PYY: variants seen among roughly 807,000 people sequenced by gnomAD.
The protein encoded by PYY is peptide tyrosine tyrosine.
Under a neutral mutation model 10.3 loss-of-function variants are expected in PYY, and 12 were observed. The observed-to-expected ratio is 1.17, with a 90% CI of 0.75 to 1.89. PYY has a LOEUF of 1.89. Ranked by LOEUF, PYY falls within the 40% of genes most tolerant of loss-of-function variation. The pLI is 0.00. For synonymous variants in PYY, 66 were observed against 62.0 expected, an observed-to-expected ratio of 1.06 and a Z score of -0.30; for missense variants, 141 against 134.0, an observed-to-expected ratio of 1.05 and a Z score of -0.26.
At chr17:43,970,601 A>G (rs927931446) in intron 1 of PYY, among the ~76,000 whole-genome samples, 3 of 152,196 alleles carry the variant, frequency 2.0e-5, no homozygotes, top group Admixed American at 2.0e-4. Context: ...GACCCATGCA[A>G]ATATGGCAAA....
intron 1 of PYY, among the ~76,000 whole-genome samples, chr17:43,968,386 C>T (rs2048768112): frequency 6.6e-6 from 1 of 151,924 alleles, no homozygotes; most frequent in African/African-American, 2.4e-5. Flanking sequence ...GAAAATAGAA[C>T]AAGAGAAAAT....
At chr17:43,962,105 C>A (rs1597844759) in intron 2 of PYY, among the ~76,000 whole-genome samples, 1 of 152,128 alleles carries the variant, frequency 6.6e-6, no homozygotes, top group African/African-American at 2.4e-5. Context: ...TATATGGCTT[C>A]CCAGCTAATC....
At chr17:43,958,927 GC>G, upstream of PYY, among the ~76,000 whole-genome samples, 1 of 152,316 alleles carries the variant, frequency 6.6e-6, no homozygotes, top group East Asian at 1.9e-4. Flanking sequence ...TACGTTAAAT[GC>G]TTTGGAAGTA....
At chr17:43,997,838 G>C (rs1204250238) in intron 1 of PYY, among the ~76,000 whole-genome samples, 2 of 151,960 alleles carry the variant, frequency 1.3e-5, no homozygotes, top group Non-Finnish European at 2.9e-5. Context: ...GGAGGAGGTG[G>C]GAAAACATTG....
At chr17:43,980,156 C>CTTTTTTTTTTTTTTTTTTTTTT (rs569138857) in intron 1 of PYY, among the ~76,000 whole-genome samples, 1 of 100,618 alleles carries the variant, frequency 9.9e-6, no homozygotes, top group Non-Finnish European at 1.9e-5. Flanking sequence ...TCCCCTCCAC[C>CTTTTTTTTTTTTTTTTTTTTTT]TTTTTTTTTT....
intron 1 of PYY, among the ~76,000 whole-genome samples, chr17:44,003,666 CAAACAAAAAAAAAA>C (rs999573632): frequency 1.7e-4 from 10 of 57,912 alleles, no homozygotes; most frequent in Middle Eastern, 8.6e-3. Context: ...AACAAACAAA[CAAACAAAAAAAAAA>C]AAAAAAAAAA....
At chr17:43,960,532 C>CA (rs1170040925) in intron 2 of PYY, among the ~76,000 whole-genome samples, 15,023 of 59,006 alleles carry the variant, frequency 0.25, 3,385 homozygotes, top group African/African-American at 0.4. Flanking sequence ...GACTTTGTCT[C>CA]AAAAAAAAAA....
At chr17:43,969,918 AT>A (rs1412097527) in intron 1 of PYY, among the ~76,000 whole-genome samples, 2 of 151,478 alleles carry the variant, frequency 1.3e-5, no homozygotes, top group Non-Finnish European at 2.9e-5. Flanking sequence ...AATTTTTTGT[AT>A]TTTTAGTAGA....
intron 1 of PYY, among the ~76,000 whole-genome samples, chr17:43,990,007 A>C (rs1289516197): frequency 6.6e-6 from 1 of 151,476 alleles, no homozygotes; most frequent in East Asian, 1.9e-4. Flanking sequence ...TAAAAAAGGC[A>C]AAATGGGATG....
chr17:43,973,396 C>T (rs2048808220), intron 1 of PYY, among the ~76,000 whole-genome samples: 1 of 152,150 alleles, frequency 6.6e-6, no homozygotes. Flanking sequence ...AACATGGACA[C>T]AAACAATGGT....
chr17:43,989,230 C>T (rs1006269270), intron 1 of PYY, among the ~76,000 whole-genome samples: 28 of 151,968 alleles, frequency 1.8e-4, no homozygotes, highest in East Asian at 5.9e-4. Context: ...AAAAATTAGC[C>T]GGGCGTGGTG....
intron 1 of PYY, among the ~76,000 whole-genome samples, chr17:43,992,537 G>A (rs569370948): frequency 5.7e-4 from 86 of 151,990 alleles, no homozygotes; most frequent in African/African-American, 1.8e-3. Context: ...GAGAAACCCC[G>A]TCACTACTAA....
chr17:43,980,156 C>CTTTTT (rs569138857), intron 1 of PYY, among the ~76,000 whole-genome samples: 13 of 100,658 alleles, frequency 1.3e-4, no homozygotes, highest in South Asian at 4.2e-4. Context: ...TCCCCTCCAC[C>CTTTTT]TTTTTTTTTT....
At chr17:43,974,749 T>C (rs1002998043) in intron 1 of PYY, among the ~76,000 whole-genome samples, 1 of 152,206 alleles carries the variant, frequency 6.6e-6, no homozygotes, top group Non-Finnish European at 1.5e-5. Flanking sequence ...CATTGTATTC[T>C]AAAAATGTTC....
chr17:43,999,768 C>A (rs1230965904), intron 1 of PYY, among the ~76,000 whole-genome samples: 108 of 129,098 alleles, frequency 8.4e-4, no homozygotes, highest in South Asian at 9.9e-4. Flanking sequence ...AACTCCGTCT[C>A]AAAAAAAAAA....
rs1372042292 is a variant in PYY at position 43,976,348 on chromosome 17, CAT to C, written c.-462-9818_-462-9817del. On this transcript the variant is annotated intron_variant, in intron 1 of 6. Coordinates refer to the PYY transcript ENST00000360085. ...ACATGTATACATATACGTATATACACATATACATGTATACATATACGTATATA... is the reference window on the plus strand; with the variant it reads ...ACATGTATACATATACGTATATACACATACATGTATACATATACGTATATA... 5.4e-5 allele frequency among the ~76,000 whole-genome samples: 8 copies of C among 148,322 alleles called. 1 individual carries two copies. Among genetic ancestry groups the C allele is most frequent in the African/African-American group, 1.6e-4 (6 of 38,550 alleles).
In PYY at chr17:43,975,922, C is replaced by A. The variant is rs777933454; in HGVS notation, c.-462-9390G>T. Among the ~76,000 whole-genome samples, 10 of 1,682 alleles carry A rather than the reference C, an allele frequency of 5.9e-3. 5 individuals are homozygous for A. Among genetic ancestry groups the A allele is most frequent in the Admixed American group, 0.018 (2 of 110 alleles). The allele number at this position is 1,682 out of a possible 152,430, so 1.1% of individuals were successfully genotyped here. ...TCTACGTACGTGTACATACACGTGT[C>A]TACGTACGTGTACATACACGTGTCT... is the stretch of plus-strand genomic sequence containing the variant. On this transcript the variant is annotated intron_variant, in intron 1 of 6. Coordinates refer to the PYY transcript ENST00000360085.
Position 43,976,113 on chromosome 17 carries a change from A to G in PYY, c.-462-9581T>C, listed in dbSNP as rs972031830. ...TGAATATGCATATATACGTGTATAC[A>G]TGTATACGTATATATGTATACATAT... is the stretch of plus-strand genomic sequence containing the variant. On this transcript the variant is annotated intron_variant, in intron 1 of 6. Transcript: ENST00000360085. 2.6e-5 allele frequency among the ~76,000 whole-genome samples: 3 copies of G among 113,406 alleles called. 1 individual carries two copies. Among genetic ancestry groups the G allele is most frequent in the African/African-American group, 9.9e-5 (3 of 30,194 alleles). 74.4% of individuals were successfully genotyped at this position (113,406 alleles called of 152,430 possible).
chr17:43,991,532 T>C (rs1206739048), intron 1 of PYY, among the ~76,000 whole-genome samples: 4 of 152,224 alleles, frequency 2.6e-5, no homozygotes, highest in South Asian at 2.1e-4. Context: ...CTCTGGCAGA[T>C]GGGCTGTAGC....
Sources: allele counts gnomAD v4.1 joint callset (sites outside exome capture counted in the v4.1 genomes callset), GRCh38; gene constraint gnomAD v4.1.1; transcripts MANE v1.5; gene names NCBI Gene and HGNC (gene_info 2026-07-23, HGNC 2026-07-21).